Variants in DYNC1I1 observed in about 807,000 individuals in gnomAD.
DYNC1I1 encodes the protein dynein cytoplasmic 1 intermediate chain 1, also known as cytoplasmic dynein 1 intermediate chain 1.
DYNC1I1 carries 43 observed loss-of-function variants against 86.6 expected under a neutral mutation model. The ratio of observed to expected loss-of-function variants is 0.50; its 90% CI spans 0.39 to 0.64. DYNC1I1 has a LOEUF of 0.64. Ranked by LOEUF, DYNC1I1 falls within the 30% of genes least tolerant of loss-of-function variation. DYNC1I1 has a pLI of 0.00. For missense variants in DYNC1I1, 604 were observed against 788.8 expected (o/e 0.77, Z 2.81); for synonymous variants, 262 against 283.7 (o/e 0.92, Z 0.77).
At chr7:95,906,606 AT>A (rs1472360820) in intron 6 of DYNC1I1, among the ~76,000 whole-genome samples, 1 of 151,502 alleles carries the variant, frequency 6.6e-6, no homozygotes, top group Non-Finnish European at 1.5e-5. Flanking sequence ...TTTTTTTTTC[AT>A]TAAAAGATTG....
intron 6 of DYNC1I1, among the ~76,000 whole-genome samples, chr7:95,901,974 AG>A (rs560952003): frequency 8.9e-4 from 135 of 152,350 alleles, no homozygotes; most frequent in African/African-American, 3.0e-3. Flanking sequence ...CTCCAACTTT[AG>A]TGGGCCAGTG....
At chr7:95,845,312 G>A (rs1031798113) in intron 5 of DYNC1I1, among the ~76,000 whole-genome samples, 2 of 152,168 alleles carry the variant, frequency 1.3e-5, no homozygotes, top group African/African-American at 4.8e-5. Context: ...AATGAGAGAA[G>A]CATATAATCC....
chr7:95,778,364 T>C (rs1793899751), intron 1 of DYNC1I1, among the ~76,000 whole-genome samples: 1 of 152,124 alleles, frequency 6.6e-6, no homozygotes, highest in South Asian at 2.1e-4. Context: ...AAAGCCACTG[T>C]GGAGGCCAGG....
intron 5 of DYNC1I1, among the ~76,000 whole-genome samples, chr7:95,853,423 G>A (rs959759721): frequency 4.6e-5 from 7 of 152,098 alleles, no homozygotes; most frequent in Non-Finnish European, 1.0e-4. Flanking sequence ...TGCCATATTT[G>A]GTCCCTTGAT....
chr7:95,790,214 T>C (rs1357261026), intron 1 of DYNC1I1, among the ~76,000 whole-genome samples: 1 of 152,224 alleles, frequency 6.6e-6, no homozygotes, highest in Admixed American at 6.5e-5. Context: ...GTTCTAGCAC[T>C]GTACATCCTG....
chr7:95,987,237 T>G lies in DYNC1I1; in HGVS notation c.843+82T>G, dbSNP rs532068259. ...TAAAAAAATAAGAGATTTGTTTACT[T>G]GCCTACGATTTCCTCTCTATGCCTG... On this transcript the variant is annotated intron_variant, in intron 9 of 16. Coordinates refer to ENST00000447467, the MANE Select transcript of DYNC1I1 (RefSeq NM_001135556.2). 29 of 1,253,422 alleles carry G rather than the reference T, an allele frequency of 2.3e-5. 1 individual carries two copies. In the South Asian group the frequency reaches 3.7e-4, roughly 16 times the overall value. The allele number at this position is 1,253,422 out of a possible 1,614,324, so 77.6% of individuals were successfully genotyped here.
chr7:95,901,393 T>C (rs1303031403), intron 6 of DYNC1I1, among the ~76,000 whole-genome samples: 1 of 152,210 alleles, frequency 6.6e-6, no homozygotes, highest in Admixed American at 6.5e-5. Flanking sequence ...ATTGCATCTG[T>C]TTGCTACCTT....
intron 6 of DYNC1I1, among the ~76,000 whole-genome samples, chr7:95,905,597 G>C (rs1791154978): frequency 6.6e-6 from 1 of 152,094 alleles, no homozygotes. Context: ...TTATGCTGAA[G>C]GGTTTATCCT....
intron 6 of DYNC1I1, among the ~76,000 whole-genome samples, chr7:95,904,585 A>G (rs1791124088): frequency 6.6e-6 from 1 of 151,148 alleles, no homozygotes; most frequent in African/African-American, 2.4e-5. Flanking sequence ...GATTTTACAT[A>G]TATATGTAAA....
intron 10 of DYNC1I1, among the ~76,000 whole-genome samples, chr7:96,013,357 T>A (rs1340794527): frequency 1.3e-5 from 2 of 152,246 alleles, no homozygotes; most frequent in African/African-American, 2.4e-5. Flanking sequence ...AACGTAGCAC[T>A]GTCTACCCCT....
intron 14 of DYNC1I1, among the ~76,000 whole-genome samples, chr7:96,051,895 A>G (rs1400444179): frequency 1.3e-5 from 2 of 152,214 alleles, no homozygotes; most frequent in Non-Finnish European, 2.9e-5. Context: ...AAATATCTTC[A>G]TTTAAATGAT....
intron 1 of DYNC1I1, among the ~76,000 whole-genome samples, chr7:95,776,631 A>G (rs1276523838): frequency 6.6e-6 from 1 of 152,236 alleles, no homozygotes; most frequent in Non-Finnish European, 1.5e-5. Context: ...TATCGAAGAC[A>G]AAGCCAAGCT....
chr7:95,997,243 G>A (rs1276409155), intron 10 of DYNC1I1, among the ~76,000 whole-genome samples: 1 of 151,696 alleles, frequency 6.6e-6, no homozygotes, highest in Admixed American at 6.6e-5. Context: ...TTTCAAGTCA[G>A]CTTGATATGC....
chr7:95,773,329 T>C lies in DYNC1I1; in HGVS notation c.-10+556T>C, dbSNP rs539931300. On this transcript the variant is annotated intron_variant, in intron 1 of 16. Coordinates refer to ENST00000447467, the MANE Select transcript of DYNC1I1 (RefSeq NM_001135556.2). ...TTCAAAGCGAGAAGATGCCAGTTTC[T>C]CTCTGCTGCGAAAAAGTGTGGCTGG... Among the ~76,000 whole-genome samples, 65 of 152,302 alleles carry C rather than the reference T, an allele frequency of 4.3e-4. 1 individual carries two copies. In the East Asian group the frequency reaches 0.011, roughly 25 times the overall value.
intron 5 of DYNC1I1, among the ~76,000 whole-genome samples, chr7:95,862,338 C>T (rs958980682): frequency 2.8e-5 from 4 of 143,078 alleles, no homozygotes; most frequent in African/African-American, 1.0e-4. Context: ...ATAAACATTT[C>T]TTACAACTCA....
intron 4 of DYNC1I1, among the ~76,000 whole-genome samples, chr7:95,823,397 C>A (rs1795123243): frequency 6.6e-6 from 1 of 152,296 alleles, no homozygotes; most frequent in Non-Finnish European, 1.5e-5. Flanking sequence ...CATTCTTAAT[C>A]TGTCTTTCCT....
chr7:95,807,764 C>A (rs1360013464), intron 2 of DYNC1I1, among the ~76,000 whole-genome samples: 1 of 152,112 alleles, frequency 6.6e-6, no homozygotes, highest in Non-Finnish European at 1.5e-5. Flanking sequence ...CCTCTGATAC[C>A]TTTACCCATA....
In DYNC1I1 at chr7:95,831,447, A is replaced by C. The variant is rs144536159; in HGVS notation, c.374+3331A>C. Reference sequence around the variant, plus strand: ...GAGTGCAGTGGTGTGATCTTGGCTCACTGCAACCTCTGCCTCCCAGGCCAG... The same window carrying C: ...GAGTGCAGTGGTGTGATCTTGGCTCCCTGCAACCTCTGCCTCCCAGGCCAG... On this transcript the variant is annotated intron_variant, in intron 5 of 16. Coordinates refer to ENST00000447467, the MANE Select transcript of DYNC1I1 (RefSeq NM_001135556.2). Among the ~76,000 whole-genome samples the C allele has an allele frequency of 1.1e-3, 164 of 152,282 alleles. 1 individual carries two copies. Among genetic ancestry groups the C allele is most frequent in the African/African-American group, 3.2e-3 (134 of 41,568 alleles).
chr7:95,932,458 T>C (rs935699942), intron 6 of DYNC1I1, among the ~76,000 whole-genome samples: 1 of 152,194 alleles, frequency 6.6e-6, no homozygotes, highest in Admixed American at 6.5e-5. Flanking sequence ...CAGGGACTAC[T>C]CTAGGGAAAG....
Sources: gnomAD v4.1 joint callset for allele counts (sites outside exome capture counted in the v4.1 genomes callset) on GRCh38, gnomAD v4.1.1 for gene constraint, MANE v1.5 for transcripts, NCBI Gene and HGNC (gene_info 2026-07-23, HGNC 2026-07-21) for gene names.